HAT1: variants seen among roughly 807,000 people sequenced by gnomAD.
HAT1 encodes the protein histone acetyltransferase 1, also known as histone acetyltransferase type B catalytic subunit.
HAT1 carries 20 observed loss-of-function variants against 56.6 expected under a neutral mutation model. The observed-to-expected ratio is 0.35, with a 90% CI of 0.25 to 0.51. The LOEUF (loss-of-function observed/expected upper bound fraction) is 0.51. Ranked by LOEUF, HAT1 falls within the 20% of genes least tolerant of loss-of-function variation. The probability of loss-of-function intolerance (pLI) is 0.95; values close to 1 mark genes in which losing one functional copy is unlikely to be tolerated. For synonymous variants in HAT1, 146 were observed against 165.5 expected (o/e 0.88, Z 0.91); for missense variants, 408 against 504.3 (o/e 0.81, Z 1.83).
At chr2:171,946,184 T>C (rs574849080) in intron 2 of HAT1, among the ~76,000 whole-genome samples, 22 of 152,184 alleles carry the variant, frequency 1.4e-4, no homozygotes, top group Non-Finnish European at 2.8e-4. Context: ...TGTATACTTA[T>C]AAAAGTACAG....
chr2:171,975,984 C>T (rs1286014736), intron 8 of HAT1, among the ~76,000 whole-genome samples, 173 bp from the exon 9 acceptor site: 2 of 6,458 alleles, frequency 3.1e-4, no homozygotes, highest in South Asian at 6.8e-3. Context: ...GACAGAGTCT[C>T]GCTCTGTCAC....
intron 2 of HAT1, among the ~76,000 whole-genome samples, chr2:171,927,151 G>A (rs1574031137): frequency 6.6e-6 from 1 of 152,154 alleles, no homozygotes; most frequent in African/African-American, 2.4e-5. Flanking sequence ...CTACAAATGG[G>A]CCTGACATTT....
chr2:171,968,217 A>G (rs753129627), intron 8 of HAT1, among the ~76,000 whole-genome samples: 3 of 152,188 alleles, frequency 2.0e-5, no homozygotes, highest in Non-Finnish European at 4.4e-5. Context: ...TTAAGCGACA[A>G]CTTCACTAGC....
At chr2:171,942,950 CATATA>C (rs1369647511) in intron 2 of HAT1, among the ~76,000 whole-genome samples, 2 of 152,044 alleles carry the variant, frequency 1.3e-5, no homozygotes, top group Admixed American at 1.3e-4. Flanking sequence ...ACCAAAATGT[CATATA>C]ATATACATAT....
intron 8 of HAT1, among the ~76,000 whole-genome samples, chr2:171,972,186 A>G (rs1463967379): frequency 6.7e-6 from 1 of 149,588 alleles, no homozygotes; most frequent in Non-Finnish European, 1.5e-5. Flanking sequence ...ATGAAATGCT[A>G]TCTGCATCTT....
At chr2:171,945,759 C>T (rs929572246) in intron 2 of HAT1, among the ~76,000 whole-genome samples, 1 of 152,152 alleles carries the variant, frequency 6.6e-6, no homozygotes, top group Non-Finnish European at 1.5e-5. Context: ...ACCTCCGCCT[C>T]CTGGGCTCAA....
chr2:171,956,066 C>CT (rs1687436945), intron 4 of HAT1, among the ~76,000 whole-genome samples: 1 of 148,880 alleles, frequency 6.7e-6, no homozygotes, highest in Non-Finnish European at 1.5e-5. Context: ...GCCTCTGCTA[C>CT]TGAGGAGAAT....
chr2:171,967,911 A>C (rs924492052), intron 8 of HAT1, among the ~76,000 whole-genome samples: 10 of 136,368 alleles, frequency 7.3e-5, no homozygotes, highest in Non-Finnish European at 1.6e-4. Flanking sequence ...CCACCAAAAA[A>C]AAAATGGTTG....
At chr2:171,972,990 G>A (rs886282639) in intron 8 of HAT1, among the ~76,000 whole-genome samples, 5 of 152,148 alleles carry the variant, frequency 3.3e-5, no homozygotes, top group African/African-American at 1.2e-4. Context: ...GCATCCAATT[G>A]GGGTTCTTCA....
intron 2 of HAT1, among the ~76,000 whole-genome samples, chr2:171,945,965 C>T (rs966554153): frequency 1.3e-5 from 2 of 151,972 alleles, no homozygotes; most frequent in Non-Finnish European, 2.9e-5. Flanking sequence ...CCACTGTGCC[C>T]AGCCTAATTT....
At chr2:171,966,295 CT>C in intron 6 of HAT1, 113 bp from the exon 7 acceptor site, 1 of 715,028 alleles carries the variant, frequency 1.4e-6, no homozygotes. Flanking sequence ...CCATTGGGCC[CT>C]CACAGAGTAG....
At chr2:171,961,656 T>G (rs760161118) in intron 4 of HAT1, among the ~76,000 whole-genome samples, 18 of 152,214 alleles carry the variant, frequency 1.2e-4, no homozygotes, top group Non-Finnish European at 1.9e-4. Flanking sequence ...AAGTAATACT[T>G]TTTATGAAAT....
At chr2:171,968,127 G>C (rs1003075511) in intron 8 of HAT1, among the ~76,000 whole-genome samples, 3 of 152,084 alleles carry the variant, frequency 2.0e-5, no homozygotes, top group African/African-American at 7.2e-5. Flanking sequence ...TGACTTTCCT[G>C]CTACTGTTAA....
At chr2:171,955,481 G>A (rs1038239010) in intron 4 of HAT1, among the ~76,000 whole-genome samples, 13 of 151,812 alleles carry the variant, frequency 8.6e-5, no homozygotes, top group Non-Finnish European at 1.6e-4. Flanking sequence ...CGTGGTGGCA[G>A]GCACATGTAA....
intron 2 of HAT1, among the ~76,000 whole-genome samples, chr2:171,936,442 T>C (rs892069636): frequency 6.6e-6 from 1 of 152,074 alleles, no homozygotes; most frequent in Non-Finnish European, 1.5e-5. Context: ...GTTGGGGATA[T>C]GGAGAATTTT....
intron 4 of HAT1, among the ~76,000 whole-genome samples, chr2:171,962,175 T>C (rs1379647352): frequency 6.6e-6 from 1 of 152,070 alleles, no homozygotes; most frequent in Non-Finnish European, 1.5e-5. Context: ...AATGCAAAAA[T>C]TGCTCCATAT....
chr2:171,953,081 A>C, intron 4 of HAT1, 80 bp downstream of exon 4: 4 of 878,214 alleles, frequency 4.6e-6, no homozygotes, highest in Non-Finnish European at 5.1e-6. Context: ...GCGGTGGCTC[A>C]CACCTGTAAC....
At chr2:171,947,066 A>G (rs1016374061) in intron 3 of HAT1, among the ~76,000 whole-genome samples, 2 of 152,152 alleles carry the variant, frequency 1.3e-5, no homozygotes, top group African/African-American at 4.8e-5. Flanking sequence ...GTTCATGAAC[A>G]TACAAATGGC....
chr2:171,971,303 C>T (rs898741872), intron 8 of HAT1, among the ~76,000 whole-genome samples: 7 of 152,218 alleles, frequency 4.6e-5, no homozygotes, highest in African/African-American at 1.4e-4. Context: ...AATTTCCAGA[C>T]CATAAAATTC....
Sources: gnomAD v4.1 joint callset for allele counts (sites outside exome capture counted in the v4.1 genomes callset) on GRCh38, gnomAD v4.1.1 for gene constraint, MANE v1.5 for transcripts, NCBI Gene and HGNC (gene_info 2026-07-23, HGNC 2026-07-21) for gene names.